Variants in LPP observed in about 807,000 individuals in gnomAD.
LPP encodes the protein LIM domain containing preferred translocation partner in lipoma.
A neutral mutation model predicts 60.4 loss-of-function variants in LPP; 38 were observed. That is an observed-to-expected ratio of 0.63 (90% CI 0.49 to 0.83). The LOEUF (loss-of-function observed/expected upper bound fraction) is 0.83, where lower values mean the gene tolerates loss of function less well. Among genes scored for constraint, LPP ranks in the 40% least tolerant of loss-of-function variants. LPP has a pLI of 0.00. For missense variants in LPP, 902 were observed against 783.6 expected (o/e 1.15, Z -1.80); for synonymous variants, 328 against 290.8 (o/e 1.13, Z -1.30).
chr3:188,243,287 C>T (rs147887709), intron 2 of LPP, among the ~76,000 whole-genome samples: 21 of 152,272 alleles, frequency 1.4e-4, no homozygotes, highest in African/African-American at 3.6e-4. Flanking sequence ...CTGTTTCTAC[C>T]GTTCCCCCTA....
rs1553878910 is a variant in LPP, at chr3:188,878,831, AG to A, written c.*4353del. On this transcript the variant is annotated 3_prime_UTR_variant, in exon 12 of 12. Transcript: ENST00000617246. ...ACTTTTCATCTTAATATATTCTAGTAGTATTTATTTTTTCCTTGTCTTGGAA... is the reference window on the plus strand; with the variant it reads ...ACTTTTCATCTTAATATATTCTAGTATATTTATTTTTTCCTTGTCTTGGAA... 1 of 200,854 alleles carries A rather than the reference AG, an allele frequency of 5.0e-6. No homozygotes were observed. Among genetic ancestry groups the A allele is most frequent in the Non-Finnish European group, 1.0e-5 (1 of 97,752 alleles). The allele number at this position is 200,854 out of a possible 1,614,324, so 12.4% of individuals were successfully genotyped here.
chr3:188,225,185 G>GAGA (rs1395471096), intron 1 of LPP, among the ~76,000 whole-genome samples: 1 of 152,066 alleles, frequency 6.6e-6, no homozygotes, highest in Non-Finnish European at 1.5e-5. Context: ...GTTTTCCCAG[G>GAGA]AGAACTAGGA....
At chr3:188,771,589 A>AAAGGG (rs1553842441) in intron 9 of LPP, among the ~76,000 whole-genome samples, 3 of 150,778 alleles carry the variant, frequency 2.0e-5, no homozygotes, top group African/African-American at 7.3e-5. Context: ...GAAAGGGAGA[A>AAAGGG]AGAAAGAAAG....
At chr3:188,501,642 G>A (rs1041698472) in intron 5 of LPP, among the ~76,000 whole-genome samples, 26 of 152,088 alleles carry the variant, frequency 1.7e-4, no homozygotes, top group South Asian at 8.3e-4. Context: ...CCAGCTAATC[G>A]GGAGGCTGAG....
intron 3 of LPP, among the ~76,000 whole-genome samples, chr3:188,379,951 G>C (rs1776415082): frequency 6.6e-6 from 1 of 152,126 alleles, no homozygotes; most frequent in Non-Finnish European, 1.5e-5. Flanking sequence ...AATATAAGTT[G>C]GGAGCAGATC....
At chr3:188,509,140 G>A (rs919839540) in intron 5 of LPP, among the ~76,000 whole-genome samples, 6 of 152,144 alleles carry the variant, frequency 3.9e-5, no homozygotes, top group African/African-American at 7.2e-5. Context: ...CTGAGACCAA[G>A]GGCTTTTTAT....
In LPP at chr3:188,883,607, C is replaced by G. The variant is rs968437393; in HGVS notation, c.*9128C>G. On this transcript the variant is annotated 3_prime_UTR_variant, in exon 12 of 12. Coordinates refer to ENST00000617246, the MANE Select transcript of LPP (RefSeq NM_001375462.1). ...AATTAGCCGGGCGTGTTGGCGGGCG[C>G]CTGTAGTCCCAACTACTTGGGAGGC... The G allele has an allele frequency of 5.6e-6, 1 of 180,046 alleles. No individual in the cohort carries two copies. The highest frequency in any genetic ancestry group is 2.4e-5 in the African/African-American group (1 of 42,250). The allele number at this position is 180,046 out of a possible 1,614,324, so 11.2% of individuals were successfully genotyped here. A position where few individuals can be genotyped will look rare whatever the true frequency, so the allele number is the denominator to read the frequency against.
intron 3 of LPP, among the ~76,000 whole-genome samples, chr3:188,346,480 C>T (rs1764429320): frequency 6.6e-6 from 1 of 150,434 alleles, no homozygotes; most frequent in Non-Finnish European, 1.5e-5. Flanking sequence ...GGTCAGGCTG[C>T]TCTCAAACTC....
At chr3:188,793,484 T>C (rs924156310) in intron 9 of LPP, among the ~76,000 whole-genome samples, 2 of 152,034 alleles carry the variant, frequency 1.3e-5, no homozygotes, top group Non-Finnish European at 2.9e-5. Context: ...GCCCGGCCAC[T>C]TTCTCATTAT....
At chr3:188,658,018 T>C (rs866755283) in intron 7 of LPP, among the ~76,000 whole-genome samples, 7 of 152,332 alleles carry the variant, frequency 4.6e-5, no homozygotes, top group Middle Eastern at 3.4e-3. Flanking sequence ...TTGGGATTAC[T>C]TGACATATTT....
At chr3:188,553,516 A>G (rs1156298938) in intron 6 of LPP, among the ~76,000 whole-genome samples, 1 of 152,142 alleles carries the variant, frequency 6.6e-6, no homozygotes, top group African/African-American at 2.4e-5. Flanking sequence ...TATATTCAAC[A>G]CTAGCTTTTC....
chr3:188,526,760 T>C (rs2150215674), intron 6 of LPP, among the ~76,000 whole-genome samples: 1 of 152,260 alleles, frequency 6.6e-6, no homozygotes, highest in South Asian at 2.1e-4. Flanking sequence ...CCTGTAAATG[T>C]GTACTGAACT....
chr3:188,633,509 G>A (rs1848200952), intron 7 of LPP, among the ~76,000 whole-genome samples: 2 of 152,156 alleles, frequency 1.3e-5, no homozygotes, highest in Non-Finnish European at 1.5e-5. Flanking sequence ...GTAACAATAA[G>A]AAAGACTATA....
intron 3 of LPP, among the ~76,000 whole-genome samples, chr3:188,384,330 A>ATGTGTGTGTGTG (rs61561622): frequency 0.013 from 2,002 of 148,882 alleles, 53 homozygotes; most frequent in African/African-American, 0.045. Flanking sequence ...ATGTATGTGC[A>ATGTGTGTGTGTG]TGTGTGTGTG....
intron 8 of LPP, among the ~76,000 whole-genome samples, chr3:188,730,951 G>GA (rs35748941): frequency 6.6e-6 from 1 of 152,184 alleles, no homozygotes; most frequent in Non-Finnish European, 1.5e-5. Flanking sequence ...CCCCAGCTGG[G>GA]AAAAGTTCTC....
At chr3:188,335,027 C>T (rs1761260516) in intron 2 of LPP, among the ~76,000 whole-genome samples, 1 of 152,064 alleles carries the variant, frequency 6.6e-6, no homozygotes, top group Non-Finnish European at 1.5e-5. Context: ...TTTTTGGGTT[C>T]TCTGTTCTGT....
rs112710577 is a variant in LPP at position 188,195,087 on chromosome 3, C to T, written c.-189-30318C>T. ...CAGCCTGGCCAACATGGTGAAACCT[C>T]GTCTCTACTAAAAGTACAAAAATTA... On this transcript the variant is annotated intron_variant, in intron 1 of 11. Coordinates refer to ENST00000617246, the MANE Select transcript of LPP (RefSeq NM_001375462.1). Among the ~76,000 whole-genome samples, 1,209 of 152,152 alleles carry T rather than the reference C, an allele frequency of 7.9e-3. 16 individuals carry two copies. The highest frequency in any genetic ancestry group is 0.027 in the African/African-American group (1,137 of 41,506).
chr3:188,495,730 C>T (rs757312776), intron 5 of LPP, among the ~76,000 whole-genome samples: 2 of 152,142 alleles, frequency 1.3e-5, no homozygotes, highest in African/African-American at 2.4e-5. Flanking sequence ...GGATTTGGTA[C>T]GAAAGCCCTA....
intron 4 of LPP, among the ~76,000 whole-genome samples, chr3:188,439,747 G>T (rs1793306826): frequency 6.6e-6 from 1 of 152,186 alleles, no homozygotes; most frequent in Non-Finnish European, 1.5e-5. Context: ...CACTGAGGAT[G>T]CAGTACAGAC....
Sources: gnomAD v4.1 joint callset for allele counts (sites outside exome capture counted in the v4.1 genomes callset) on GRCh38, gnomAD v4.1.1 for gene constraint, MANE v1.5 for transcripts, NCBI Gene and HGNC (gene_info 2026-07-23, HGNC 2026-07-21) for gene names.